CENPW: variants seen among roughly 807,000 people sequenced by gnomAD.
CENPW encodes the protein cancer-up-regulated gene 2 protein.
Under a neutral mutation model 11.1 loss-of-function variants are expected in CENPW, and 3 were observed. The observed-to-expected ratio is 0.27, with a 90% CI of 0.12 to 0.70. The LOEUF (loss-of-function observed/expected upper bound fraction) is 0.70. CENPW is among the 30% of genes least tolerant of loss of function. The probability of loss-of-function intolerance (pLI) is 0.77; values close to 1 mark genes in which losing one functional copy is unlikely to be tolerated. For synonymous variants in CENPW, 38 were observed against 42.0 expected (o/e 0.91, Z 0.37); for missense variants, 100 against 105.6 (o/e 0.95, Z 0.23).
chr6:126,344,057 A>T (rs2128289644), intron 1 of CENPW, among the ~76,000 whole-genome samples: 1 of 152,120 alleles, frequency 6.6e-6, no homozygotes, highest in Non-Finnish European at 1.5e-5. Flanking sequence ...ATCTGGGGAG[A>T]TGTAGTGGGG....
the CENPW span, among the ~76,000 whole-genome samples, chr6:126,463,610 G>A: frequency 4.3e-4 from 65 of 151,920 alleles, no homozygotes; most frequent in East Asian, 0.01. Flanking sequence ...CTAATATCAC[G>A]AAAAAGAGAG....
the CENPW span, among the ~76,000 whole-genome samples, chr6:126,459,674 G>A: frequency 6.6e-6 from 1 of 151,506 alleles, no homozygotes; most frequent in Non-Finnish European, 1.5e-5. Flanking sequence ...TTCCATATTG[G>A]AGAAATCAAA....
At chr6:126,468,709 C>A in the CENPW span, among the ~76,000 whole-genome samples, 3 of 151,992 alleles carry the variant, frequency 2.0e-5, no homozygotes, top group South Asian at 2.1e-4. Flanking sequence ...TCTAAAAATG[C>A]TTATTTTAAA....
the CENPW span, among the ~76,000 whole-genome samples, chr6:126,461,240 T>C: frequency 2.4e-4 from 36 of 150,746 alleles, no homozygotes; most frequent in African/African-American, 7.8e-4. Flanking sequence ...GATCCGATTG[T>C]TCTAAAAATG....
chr6:126,461,888 T>C, the CENPW span, among the ~76,000 whole-genome samples: 29 of 152,090 alleles, frequency 1.9e-4, no homozygotes, highest in East Asian at 5.6e-3. Flanking sequence ...CTAAGGTTTC[T>C]AGTGGTAACA....
the CENPW span, among the ~76,000 whole-genome samples, chr6:126,374,644 C>G: frequency 2.0e-5 from 3 of 152,118 alleles, no homozygotes; most frequent in Non-Finnish European, 2.9e-5. Flanking sequence ...CCTGTGAACA[C>G]GTAAGTCTTG....
At chr6:126,433,371 C>A in the CENPW span, among the ~76,000 whole-genome samples, 1 of 152,128 alleles carries the variant, frequency 6.6e-6, no homozygotes, top group African/African-American at 2.4e-5. Context: ...TAAACCTTGA[C>A]TGGAGAATAC....
At chr6:126,358,849 T>G in the CENPW span, among the ~76,000 whole-genome samples, 1 of 152,086 alleles carries the variant, frequency 6.6e-6, no homozygotes, top group African/African-American at 2.4e-5. Flanking sequence ...GTTCCAAAAT[T>G]TAATCATAAA....
At chr6:126,436,926 T>C in the CENPW span, among the ~76,000 whole-genome samples, 2 of 151,904 alleles carry the variant, frequency 1.3e-5, no homozygotes, top group Admixed American at 1.3e-4. Flanking sequence ...ATGTATGAAT[T>C]GATAGTTTAC....
the CENPW span, among the ~76,000 whole-genome samples, chr6:126,354,504 C>T: frequency 3.3e-5 from 5 of 152,036 alleles, no homozygotes; most frequent in African/African-American, 1.2e-4. Flanking sequence ...ATAATATCTA[C>T]GTACAAAAAA....
chr6:126,478,440 G>A, the CENPW span, among the ~76,000 whole-genome samples: 342 of 151,672 alleles, frequency 2.3e-3, 3 homozygotes, highest in African/African-American at 7.7e-3. Context: ...CTCTGTGGGC[G>A]TGTGTATAAA....
chr6:126,362,754 T>C, the CENPW span, among the ~76,000 whole-genome samples: 1 of 152,192 alleles, frequency 6.6e-6, no homozygotes, highest in African/African-American at 2.4e-5. Context: ...TTTTTCTATG[T>C]CCTGTCTTCT....
the CENPW span, among the ~76,000 whole-genome samples, chr6:126,440,250 A>G: frequency 6.6e-6 from 1 of 151,624 alleles, no homozygotes; most frequent in Non-Finnish European, 1.5e-5. Context: ...ACGTAGCCAT[A>G]AGCAATATAT....
chr6:126,386,757 G>T, the CENPW span, among the ~76,000 whole-genome samples: 1 of 151,808 alleles, frequency 6.6e-6, no homozygotes, highest in Non-Finnish European at 1.5e-5. Flanking sequence ...GGCACTAGGG[G>T]CACAAAGATG....
chr6:126,428,423 G>A, the CENPW span, among the ~76,000 whole-genome samples: 813 of 152,192 alleles, frequency 5.3e-3, 9 homozygotes, highest in African/African-American at 0.018. Context: ...TTTTGCCATG[G>A]TATAGGTGTA....
At chr6:126,456,716 C>T in the CENPW span, among the ~76,000 whole-genome samples, 1 of 151,548 alleles carries the variant, frequency 6.6e-6, no homozygotes, top group Non-Finnish European at 1.5e-5. Flanking sequence ...ACCAATCAAA[C>T]TAAAGAGCTT....
At chr6:126,394,828 A>G in the CENPW span, among the ~76,000 whole-genome samples, 4 of 150,718 alleles carry the variant, frequency 2.7e-5, no homozygotes, top group Non-Finnish European at 5.9e-5. Context: ...CAGATATACT[A>G]TTCTATACTA....
the CENPW span, among the ~76,000 whole-genome samples, chr6:126,419,479 C>A: frequency 6.6e-6 from 1 of 152,054 alleles, no homozygotes; most frequent in African/African-American, 2.4e-5. Flanking sequence ...GGCTCTTGTC[C>A]TTATGGCGTT....
At chr6:126,406,576 A>G in the CENPW span, among the ~76,000 whole-genome samples, 8 of 152,174 alleles carry the variant, frequency 5.3e-5, no homozygotes, top group African/African-American at 1.9e-4. Flanking sequence ...TTGATAGGCC[A>G]GGCACAGTGG....
Sources: gnomAD v4.1 joint callset for allele counts (sites outside exome capture counted in the v4.1 genomes callset) on GRCh38, gnomAD v4.1.1 for gene constraint, MANE v1.5 for transcripts, NCBI Gene and HGNC (gene_info 2026-07-23, HGNC 2026-07-21) for gene names.